The following CNNM1 variants were observed in gnomAD, a reference collection of about 807,000 sequenced individuals.
CNNM1 encodes the protein cyclin and CBS domain divalent metal cation transport mediator 1.
CNNM1 carries 44 observed loss-of-function variants against 78.8 expected under a neutral mutation model. The observed-to-expected ratio is 0.56, with a 90% CI of 0.44 to 0.72. The LOEUF is 0.72. Ranked by LOEUF, CNNM1 falls within the 30% of genes least tolerant of loss-of-function variation. The pLI, the probability that CNNM1 is intolerant of heterozygous loss-of-function variation, is 0.00. For missense variants in CNNM1, 1,101 were observed against 1,292.2 expected (o/e 0.85, Z 2.27); for synonymous variants, 584 against 581.5 (o/e 1.00, Z -0.06).
chr10:99,361,133 T>C (rs902022366), intron 3 of CNNM1, among the ~76,000 whole-genome samples, 158 bp downstream of exon 3: 2 of 152,340 alleles, frequency 1.3e-5, no homozygotes, highest in South Asian at 4.1e-4. Context: ...GGGTAATGGA[T>C]GCCACCTACT....
intron 1 of CNNM1, among the ~76,000 whole-genome samples, chr10:99,347,642 C>G (rs1478185473): frequency 2.9e-5 from 4 of 136,046 alleles, no homozygotes; most frequent in Admixed American, 1.5e-4. Context: ...GAGTAAGACC[C>G]AAAGTCCTTA....
chr10:99,369,911 T>C (rs2031745559), intron 6 of CNNM1, among the ~76,000 whole-genome samples: 1 of 152,204 alleles, frequency 6.6e-6, no homozygotes, highest in Non-Finnish European at 1.5e-5. Context: ...CAGTGAATCT[T>C]GGTGAATGCC....
intron 7 of CNNM1, among the ~76,000 whole-genome samples, chr10:99,386,156 ATATCGAAGCCAGTTGT>A (rs1208968352): frequency 6.6e-6 from 1 of 152,244 alleles, no homozygotes; most frequent in Non-Finnish European, 1.5e-5. Context: ...GACCTGAAAA[ATATCGAAGCCAGTTGT>A]TAACACTTTG....
rs964778738 is a variant in CNNM1 at position 99,392,665 on chromosome 10, A to G, written c.*1149A>G. ...CCACCAGATGGCAGAGTGACCGCGC[A>G]TACCTGCTTCCAAGAATAAAACAGT... On this transcript the variant is annotated 3_prime_UTR_variant, in exon 11 of 11. Coordinates refer to ENST00000356713, the MANE Select transcript of CNNM1 (RefSeq NM_020348.3). 2 of 152,244 alleles carry G rather than the reference A, an allele frequency of 1.3e-5. No individual in the cohort carries two copies. The highest frequency in any genetic ancestry group is 1.3e-4 in the Admixed American group (2 of 15,278). 9.4% of individuals were successfully genotyped at this position (152,244 alleles called of 1,614,324 possible).
intron 2 of CNNM1, among the ~76,000 whole-genome samples, chr10:99,359,957 G>A (rs573306538): frequency 6.0e-5 from 9 of 150,424 alleles, no homozygotes; most frequent in African/African-American, 2.0e-4. Flanking sequence ...AGCGGGGGCC[G>A]GGGGGGAAGT....
At chr10:99,356,546 C>CAGAA (rs1371548762) in intron 1 of CNNM1, among the ~76,000 whole-genome samples, 63 of 48,236 alleles carry the variant, frequency 1.3e-3, no homozygotes, top group African/African-American at 2.8e-3. Context: ...GAAAGACAGA[C>CAGAA]AGACAGACAG....
Position 99,391,605 on chromosome 10 carries a change from TC to T in CNNM1, c.*92del. Reference sequence around the variant, plus strand: ...CCCATCATCTGCTTCCCCCAAGGCCTCCCACAGGTGACAGAATGTTCTGCCT... The same window carrying T: ...CCCATCATCTGCTTCCCCCAAGGCCTCCACAGGTGACAGAATGTTCTGCCT... On this transcript the variant is annotated 3_prime_UTR_variant, in exon 11 of 11. Coordinates refer to ENST00000356713, the MANE Select transcript of CNNM1 (RefSeq NM_020348.3). 1 of 1,073,650 alleles carries T rather than the reference TC, an allele frequency of 9.3e-7. No homozygotes were observed. The highest frequency in any genetic ancestry group is 1.4e-6 in the Non-Finnish European group (1 of 718,160). 66.5% of individuals were successfully genotyped at this position (1,073,650 alleles called of 1,614,324 possible). A position where few individuals can be genotyped will look rare whatever the true frequency, so the allele number is the denominator to read the frequency against.
intron 2 of CNNM1, among the ~76,000 whole-genome samples, chr10:99,359,370 G>A (rs1306524618): frequency 6.6e-6 from 1 of 152,152 alleles, no homozygotes. Context: ...TTCTACAGGA[G>A]CAGGTTAGGG....
chr10:99,390,465 A>C, intron 10 of CNNM1, 58 bp downstream of exon 10: 7 of 1,211,668 alleles, frequency 5.8e-6, no homozygotes, highest in Non-Finnish European at 8.4e-6. Context: ...TAGTAGGAAA[A>C]GCATGTTAGC....
intron 1 of CNNM1, among the ~76,000 whole-genome samples, chr10:99,340,055 AAAC>A (rs1269684556): frequency 1.3e-5 from 2 of 152,268 alleles, no homozygotes; most frequent in Non-Finnish European, 2.9e-5. Context: ...CTTACTTTCT[AAAC>A]AATAGAGCAA....
intron 1 of CNNM1, among the ~76,000 whole-genome samples, chr10:99,349,250 GT>G (rs750191012): frequency 3.3e-5 from 5 of 152,154 alleles, no homozygotes; most frequent in Non-Finnish European, 5.9e-5. Flanking sequence ...ACCTGAAGAA[GT>G]TTTAAACATT....
At chr10:99,364,384 A>ATTCATAGT (rs1564951444) in intron 4 of CNNM1, 33 bp from the exon 5 acceptor site, 1 of 1,528,568 alleles carries the variant, frequency 6.5e-7, no homozygotes, top group South Asian at 1.2e-5. Flanking sequence ...GCTCATACAC[A>ATTCATAGT]TTCATAGTAC....
rs1850540764 is a variant in CNNM1 at position 99,329,395 on chromosome 10, C to T, written c.8C>T (p.Ala3Val). The stretch of plus-strand genomic sequence containing the variant: ...AGCTGCGCTGGGTGCAGGATGGCGG[C>T]GGCCGCGGCGGCGGCAGCAGCGGTG... Reference protein sequence around the residue: MAAAAAAAAAVGV... With the variant: MAVAAAAAAAVGV... Residue 3 changes from alanine (A) to valine (V), a missense_variant, in exon 1 of 11, where the codon GCG becomes GTG. Transcript: ENST00000356713. The T allele has an allele frequency of 1.3e-6, 1 of 748,144 alleles. No homozygotes were observed. The allele number at this position is 748,144 out of a possible 1,614,324, so 46.3% of individuals were successfully genotyped here.
chr10:99,330,304 C>A lies in CNNM1; in HGVS notation c.917C>A (p.Pro306Gln). The A allele has an allele frequency of 6.3e-7, 1 of 1,588,240 alleles. No homozygotes were observed. Among genetic ancestry groups the A allele is most frequent in the Non-Finnish European group, 8.6e-7 (1 of 1,167,962 alleles). ...ALAGWLYTSL[P>Q]PGFGGTGEDY... is the part of the protein sequence containing the mutation. ...GCTGGCTGGCTGTACACCTCGCTGC[C>A]GCCGGGCTTCGGGGGCACCGGGGAA... Residue 306 changes from proline to glutamine, a missense_variant, in exon 1 of 11, where the codon CCG (proline) becomes CAG (glutamine). Physicochemically the swap from Pro to Gln is moderately conservative, Grantham distance 76 (BLOSUM62 -1). This residue lies in a region of CNNM1 where 476 missense variants were observed against 484.5 expected (regional missense o/e 0.98). Coordinates refer to ENST00000356713, the MANE Select transcript of CNNM1 (RefSeq NM_020348.3).
chr10:99,377,537 C>T (rs2032013113), intron 7 of CNNM1, among the ~76,000 whole-genome samples: 2 of 152,160 alleles, frequency 1.3e-5, no homozygotes, highest in South Asian at 4.1e-4. Flanking sequence ...CTACCATTGG[C>T]ATCAGTTTGA....
Position 99,329,864 on chromosome 10 carries a change from G to T in CNNM1, c.477G>T (p.Leu159=). 1 of 1,400,608 alleles carries T rather than the reference G, an allele frequency of 7.1e-7. No homozygotes were observed. Among genetic ancestry groups the T allele is most frequent in the Non-Finnish European group, 9.2e-7 (1 of 1,084,954 alleles). The allele number at this position is 1,400,608 out of a possible 1,614,324, so 86.8% of individuals were successfully genotyped here. The part of the protein sequence containing the change: ...LRPGGVAGSA[L]VQVRVRELRK... Reference sequence around the variant, plus strand: ...CCGGGGGCGTGGCAGGCTCGGCCCTGGTCCAGGTGCGAGTGCGGGAGCTGC... The same window carrying T: ...CCGGGGGCGTGGCAGGCTCGGCCCTTGTCCAGGTGCGAGTGCGGGAGCTGC... The change falls in exon 1 of 11, where the codon CTG becomes CTT. Residue 159 remains leucine (L), a synonymous_variant. Coordinates refer to ENST00000356713, the MANE Select transcript of CNNM1 (RefSeq NM_020348.3).
intron 6 of CNNM1, among the ~76,000 whole-genome samples, chr10:99,375,887 G>A (rs748959856): frequency 6.6e-6 from 1 of 152,136 alleles, no homozygotes; most frequent in African/African-American, 2.4e-5. Flanking sequence ...TGGTTCCACG[G>A]TTGAGATGAT....
chr10:99,359,673 C>A (rs1303944600), intron 2 of CNNM1, among the ~76,000 whole-genome samples: 3 of 152,144 alleles, frequency 2.0e-5, no homozygotes, highest in Non-Finnish European at 4.4e-5. Context: ...GGGGGCACAC[C>A]AGGGAGCCGG....
intron 7 of CNNM1, among the ~76,000 whole-genome samples, chr10:99,384,919 A>C (rs1337105572): frequency 6.6e-6 from 1 of 152,078 alleles, no homozygotes; most frequent in Non-Finnish European, 1.5e-5. Context: ...ATACAAAAAA[A>C]TAAGCTGGGC....
Sources: gnomAD v4.1 joint callset for allele counts (sites outside exome capture counted in the v4.1 genomes callset) on GRCh38, gnomAD v4.1.1 for gene constraint, gnomAD v4.1.1 regional missense constraint, MANE v1.5 for transcripts, NCBI Gene and HGNC (gene_info 2026-07-23, HGNC 2026-07-21) for gene names.